ZNF565: variants seen among roughly 807,000 people sequenced by gnomAD.
The protein encoded by ZNF565 is zinc finger protein 565.
A neutral mutation model predicts 39.4 loss-of-function variants in ZNF565; 27 were observed. The ratio of observed to expected loss-of-function variants is 0.69; its 90% CI spans 0.51 to 0.95. The LOEUF (loss-of-function observed/expected upper bound fraction) is 0.95, where lower values mean the gene tolerates loss of function less well. Ranked by LOEUF, ZNF565 falls within the 40% of genes least tolerant of loss-of-function variation. The probability of loss-of-function intolerance (pLI) is 0.00; values close to 1 mark genes in which losing one functional copy is unlikely to be tolerated. For synonymous variants in ZNF565, 185 were observed against 216.6 expected, an observed-to-expected ratio of 0.85 and a Z score of 1.28; for missense variants, 524 against 621.1, an observed-to-expected ratio of 0.84 and a Z score of 1.66.
intron 1 of ZNF565, among the ~76,000 whole-genome samples, chr19:36,232,896 T>C (rs947774611): frequency 2.6e-5 from 4 of 152,210 alleles, no homozygotes; most frequent in Admixed American, 6.5e-5. Flanking sequence ...TCAATTATTT[T>C]TTCATATGAA....
chr19:36,188,416 A>T (rs1975395192), intron 4 of ZNF565, among the ~76,000 whole-genome samples: 1 of 151,828 alleles, frequency 6.6e-6, no homozygotes, highest in African/African-American at 2.4e-5. Context: ...AACAACTCCA[A>T]GAACAGATGA....
intron 4 of ZNF565, among the ~76,000 whole-genome samples, chr19:36,192,619 T>C (rs1372364034): frequency 6.6e-6 from 1 of 152,000 alleles, no homozygotes; most frequent in Non-Finnish European, 1.5e-5. Context: ...CGTGCACCTG[T>C]AATCCTAGCT....
intron 4 of ZNF565, among the ~76,000 whole-genome samples, chr19:36,192,451 G>A (rs1206766662): frequency 6.6e-6 from 1 of 151,888 alleles, no homozygotes; most frequent in Admixed American, 6.6e-5. Flanking sequence ...TCATTAAGAG[G>A]ATCAGCTGGC....
chr19:36,233,532 CCTT>C (rs1191123248), intron 1 of ZNF565, among the ~76,000 whole-genome samples: 1 of 151,820 alleles, frequency 6.6e-6, no homozygotes, highest in African/African-American at 2.4e-5. Flanking sequence ...TCTTGAGTTC[CCTT>C]AGTATTTATT....
chr19:36,233,441 A>G (rs528435450), intron 1 of ZNF565, among the ~76,000 whole-genome samples: 25 of 152,190 alleles, frequency 1.6e-4, no homozygotes, highest in Non-Finnish European at 2.9e-4. Context: ...ACAGAAACAA[A>G]GTATAGAGAA....
intron 2 of ZNF565, among the ~76,000 whole-genome samples, chr19:36,200,628 A>G (rs1488274697): frequency 6.6e-6 from 1 of 151,662 alleles, no homozygotes; most frequent in Non-Finnish European, 1.5e-5. Context: ...AGCTGGGACT[A>G]TAGACACCTG....
intron 2 of ZNF565, among the ~76,000 whole-genome samples, chr19:36,196,788 C>T (rs967290922): frequency 6.7e-5 from 10 of 150,228 alleles, no homozygotes; most frequent in African/African-American, 2.5e-4. Flanking sequence ...AGCCTGCCAG[C>T]TGGGCACGGT....
intron 1 of ZNF565, among the ~76,000 whole-genome samples, chr19:36,239,132 A>G (rs1279458724): frequency 6.6e-6 from 1 of 152,106 alleles, no homozygotes; most frequent in Non-Finnish European, 1.5e-5. Context: ...CCGCTGCACT[A>G]TATGATCTCT....
chr19:36,241,079 C>A (rs76913655), intron 1 of ZNF565, among the ~76,000 whole-genome samples: 7,841 of 152,214 alleles, frequency 0.052, 308 homozygotes, highest in East Asian at 0.15. Context: ...GTTCCTTATA[C>A]GTTAACCAGA....
At chr19:36,218,965 C>T (rs150187054), upstream of ZNF565, among the ~76,000 whole-genome samples, 3,712 of 150,860 alleles carry the variant, frequency 0.025, 169 homozygotes, top group African/African-American at 0.083. Context: ...CCCACCACCA[C>T]GTCCGGCTAA....
At chr19:36,198,208 A>C (rs1313723597) in intron 2 of ZNF565, among the ~76,000 whole-genome samples, 2 of 152,168 alleles carry the variant, frequency 1.3e-5, no homozygotes, top group African/African-American at 4.8e-5. Context: ...AGCACTGTCC[A>C]CAATAGCCAA....
chr19:36,234,677 G>A (rs1333605814), intron 1 of ZNF565, among the ~76,000 whole-genome samples: 1 of 152,188 alleles, frequency 6.6e-6, no homozygotes, highest in African/African-American at 2.4e-5. Context: ...GATTACAGGC[G>A]TGAGCCACTG....
upstream of ZNF565, among the ~76,000 whole-genome samples, chr19:36,219,435 G>A (rs185719937): frequency 1.1e-3 from 166 of 152,210 alleles, no homozygotes; most frequent in African/African-American, 3.6e-3. Context: ...ATCATTATCC[G>A]CTCCTTTGGA....
chr19:36,198,648 G>A (rs1395537781), intron 2 of ZNF565, among the ~76,000 whole-genome samples: 2 of 151,512 alleles, frequency 1.3e-5, no homozygotes, highest in Non-Finnish European at 2.9e-5. Context: ...CATCCAGGCT[G>A]GAGTGCAGTG....
At chr19:36,190,843 T>C (rs1975507769) in intron 4 of ZNF565, among the ~76,000 whole-genome samples, 1 of 151,504 alleles carries the variant, frequency 6.6e-6, no homozygotes, top group Non-Finnish European at 1.5e-5. Flanking sequence ...AATACAAAAA[T>C]TAGCTGGGCG....
At chr19:36,196,749 T>C (rs1975772086) in intron 2 of ZNF565, among the ~76,000 whole-genome samples, 1 of 151,726 alleles carries the variant, frequency 6.6e-6, no homozygotes, top group Non-Finnish European at 1.5e-5. Context: ...TGAGACGGGT[T>C]GATCACTTGA....
chr19:36,192,741 A>T (rs1053438193), intron 4 of ZNF565, among the ~76,000 whole-genome samples: 24 of 151,574 alleles, frequency 1.6e-4, no homozygotes. Context: ...GCTTCAAGTG[A>T]TCTTCCCACC....
chr19:36,206,659 C>T (rs1490972074), intron 1 of ZNF565, among the ~76,000 whole-genome samples: 2 of 151,950 alleles, frequency 1.3e-5, no homozygotes, highest in South Asian at 2.1e-4. Flanking sequence ...GGTGAAATGC[C>T]GTCTCTACTA....
intron 2 of ZNF565, among the ~76,000 whole-genome samples, chr19:36,198,063 C>T (rs1045544555): frequency 6.6e-6 from 1 of 151,772 alleles, no homozygotes; most frequent in Non-Finnish European, 1.5e-5. Context: ...GCAGGAGAAT[C>T]GCTTGAACCC....
Sources: gnomAD v4.1 joint callset for allele counts (sites outside exome capture counted in the v4.1 genomes callset) on GRCh38, gnomAD v4.1.1 for gene constraint, MANE v1.5 for transcripts, NCBI Gene and HGNC (gene_info 2026-07-23, HGNC 2026-07-21) for gene names.